TBC1D5: variants seen among roughly 807,000 people sequenced by gnomAD.
The protein encoded by TBC1D5 is TBC1 domain family, member 5.
In TBC1D5, 75 loss-of-function variants were observed where a neutral mutation model predicts 100.3. That is an observed-to-expected ratio of 0.75 (90% CI 0.62 to 0.91). TBC1D5 has a LOEUF of 0.91. Ranked by LOEUF, TBC1D5 falls within the 40% of genes least tolerant of loss-of-function variation. The probability of loss-of-function intolerance (pLI) is 0.00; values close to 1 mark genes in which losing one functional copy is unlikely to be tolerated. For synonymous variants in TBC1D5, 323 were observed against 325.6 expected (o/e 0.99, Z 0.09); for missense variants, 910 against 942.4 (o/e 0.97, Z 0.45).
intron 3 of TBC1D5, among the ~76,000 whole-genome samples, chr3:17,450,178 A>G (rs1315155876): frequency 2.6e-5 from 4 of 152,240 alleles, no homozygotes; most frequent in Non-Finnish European, 4.4e-5. Flanking sequence ...ACAGAAAGCT[A>G]TAACATCAAC....
At chr3:17,166,866 G>T (rs774305543) in exon 21 of TBC1D5, 1 of 1,614,110 alleles carries the variant, frequency 6.2e-7, no homozygotes, top group African/African-American at 1.3e-5. Context: ...TGATCTGTTC[G>T]TTCTCTTCGG....
chr3:17,737,932 T>C (rs550700064), intron 1 of TBC1D5, among the ~76,000 whole-genome samples: 4 of 152,232 alleles, frequency 2.6e-5, no homozygotes, highest in South Asian at 2.1e-4. Context: ...AGAAACCACA[T>C]GCAACACTGG....
At chr3:17,601,033 T>C (rs2153590796) in intron 2 of TBC1D5, among the ~76,000 whole-genome samples, 1 of 152,312 alleles carries the variant, frequency 6.6e-6, no homozygotes, top group Admixed American at 6.5e-5. Flanking sequence ...CAGTCCTCCC[T>C]ACAGGACCAC....
At chr3:17,532,563 A>G (rs1167566355) in intron 2 of TBC1D5, among the ~76,000 whole-genome samples, 1 of 152,198 alleles carries the variant, frequency 6.6e-6, no homozygotes, top group East Asian at 1.9e-4. Context: ...ACTATTCACA[A>G]TAGCAAAGTC....
chr3:17,186,208 A>C (rs2069046029), intron 18 of TBC1D5, among the ~76,000 whole-genome samples: 1 of 152,164 alleles, frequency 6.6e-6, no homozygotes, highest in Non-Finnish European at 1.5e-5. Context: ...ATCACTAAAA[A>C]AGAAGGAAAA....
intron 2 of TBC1D5, among the ~76,000 whole-genome samples, chr3:17,546,740 G>A (rs1268361290): frequency 6.1e-5 from 9 of 148,270 alleles, no homozygotes; most frequent in East Asian, 3.9e-4. Context: ...CCAAGATGGC[G>A]CCACTGTACT....
intron 3 of TBC1D5, among the ~76,000 whole-genome samples, chr3:17,479,153 C>T (rs2095472223): frequency 6.6e-6 from 1 of 152,154 alleles, no homozygotes; most frequent in African/African-American, 2.4e-5. Context: ...ATAATCCTAG[C>T]TTTTGGGGTG....
intron 2 of TBC1D5, among the ~76,000 whole-genome samples, chr3:17,539,090 G>A (rs907852953): frequency 6.6e-6 from 1 of 152,160 alleles, no homozygotes; most frequent in African/African-American, 2.4e-5. Context: ...GGCTGATGAG[G>A]CACAAGAATC....
At chr3:17,330,937 G>T (rs965843488) in intron 13 of TBC1D5, among the ~76,000 whole-genome samples, 2 of 151,978 alleles carry the variant, frequency 1.3e-5, no homozygotes, top group Admixed American at 6.6e-5. Context: ...TCCAATAATT[G>T]TCAGTCCATG....
At chr3:17,665,061 A>G (rs1482898610) in intron 1 of TBC1D5, 1 of 98,722 alleles carries the variant, frequency 1.0e-5, no homozygotes, top group Non-Finnish European at 2.1e-5. Flanking sequence ...AGGAAGAAGA[A>G]AGGAAAAAAA....
At chr3:17,384,304 G>A (rs151106174) in intron 8 of TBC1D5, among the ~76,000 whole-genome samples, 2 of 152,074 alleles carry the variant, frequency 1.3e-5, no homozygotes, top group East Asian at 3.9e-4. Context: ...CATATTCTAC[G>A]TGTCTGCAGA....
intron 2 of TBC1D5, among the ~76,000 whole-genome samples, chr3:17,596,335 T>C (rs1263743539): frequency 2.8e-5 from 4 of 144,278 alleles, no homozygotes; most frequent in Admixed American, 1.4e-4. Context: ...TTTTTTTTTT[T>C]CCGGAGACAC....
chr3:17,719,075 C>T (rs1053802962), intron 1 of TBC1D5, among the ~76,000 whole-genome samples: 7 of 152,046 alleles, frequency 4.6e-5, no homozygotes, highest in African/African-American at 1.7e-4. Context: ...GATTTGCTTC[C>T]ACCAAAGTTT....
At chr3:17,158,433 A>G (rs1015103244) in exon 22 of TBC1D5, 1 of 152,232 alleles carries the variant, frequency 6.6e-6, no homozygotes, top group Non-Finnish European at 1.5e-5. Context: ...CTTTAATAGC[A>G]CTGTAACTAA....
At chr3:17,535,085 T>C (rs1028820024) in intron 2 of TBC1D5, among the ~76,000 whole-genome samples, 20 of 152,220 alleles carry the variant, frequency 1.3e-4, no homozygotes, top group African/African-American at 4.8e-4. Context: ...TTAAACTTTC[T>C]TCAGTGAAAT....
At chr3:17,407,775 A>T (rs781283010) in intron 4 of TBC1D5, among the ~76,000 whole-genome samples, 2 of 152,150 alleles carry the variant, frequency 1.3e-5, no homozygotes, top group Non-Finnish European at 2.9e-5. Flanking sequence ...CCTCAAACAC[A>T]ACAAGCCTTC....
In TBC1D5 at chr3:17,287,466, G is replaced by A. The variant is rs575245494; in HGVS notation, c.1245+4429C>T. 9.2e-5 allele frequency among the ~76,000 whole-genome samples: 14 copies of A among 152,302 alleles called. 1 individual carries two copies. Among genetic ancestry groups the A allele is most frequent in the African/African-American group, 2.9e-4 (12 of 41,568 alleles). On this transcript the variant is annotated intron_variant, in intron 15 of 21. Transcript: ENST00000253692. Reference sequence around the variant, plus strand: ...AATGCAGAACAGACGCCAGGAATCCGAGGAGGGAATGAATAGATAGAACAG... The same window carrying A: ...AATGCAGAACAGACGCCAGGAATCCAAGGAGGGAATGAATAGATAGAACAG...
chr3:17,733,165 G>A (rs780614712), intron 1 of TBC1D5, among the ~76,000 whole-genome samples: 4 of 152,080 alleles, frequency 2.6e-5, no homozygotes, highest in Non-Finnish European at 5.9e-5. Flanking sequence ...AGAAAGAAGA[G>A]TTCATACTAG....
At chr3:17,678,075 C>T (rs2068887854) in intron 1 of TBC1D5, among the ~76,000 whole-genome samples, 1 of 152,140 alleles carries the variant, frequency 6.6e-6, no homozygotes, top group African/African-American at 2.4e-5. Flanking sequence ...ACCAGCATGG[C>T]ACATGTATAC....
Sources: allele counts gnomAD v4.1 joint callset (sites outside exome capture counted in the v4.1 genomes callset), GRCh38; gene constraint gnomAD v4.1.1; transcripts MANE v1.5; gene names NCBI Gene and HGNC (gene_info 2026-07-23, HGNC 2026-07-21).